Variants in COL4A4 observed in about 807,000 individuals in gnomAD.
COL4A4 encodes the protein collagen type IV alpha 4 chain.
COL4A4 carries 105 observed loss-of-function variants against 192.9 expected under a neutral mutation model. The observed-to-expected ratio is 0.54, with a 90% CI of 0.46 to 0.64. COL4A4 has a LOEUF of 0.64. COL4A4 is among the 30% of genes least tolerant of loss of function. COL4A4 has a pLI of 0.00. For synonymous variants in COL4A4, 762 were observed against 769.9 expected, an observed-to-expected ratio of 0.99 and a Z score of 0.17; for missense variants, 1,967 against 2,169.3, an observed-to-expected ratio of 0.91 and a Z score of 1.85.
intron 9 of COL4A4, 21 bp downstream of exon 9, chr2:227,111,657 G>A (rs1394237990): frequency 6.2e-7 from 1 of 1,613,532 alleles, no homozygotes; most frequent in South Asian, 1.1e-5. Context: ...TAGAAGCATA[G>A]AGCCTGCTCA....
chr2:227,115,508 G>A (rs368766790), intron 7 of COL4A4, among the ~76,000 whole-genome samples: 30 of 151,756 alleles, frequency 2.0e-4, no homozygotes, highest in East Asian at 7.7e-4. Context: ...TCCTGACCTC[G>A]TGATCCACCC....
At chr2:227,115,429 C>A (rs2061441072) in intron 7 of COL4A4, among the ~76,000 whole-genome samples, 1 of 151,324 alleles carries the variant, frequency 6.6e-6, no homozygotes, top group Admixed American at 6.6e-5. Context: ...CACCACCGTG[C>A]CTGGCTAATT....
At chr2:227,071,833 A>G (rs993503731) in intron 25 of COL4A4, among the ~76,000 whole-genome samples, 4 of 152,150 alleles carry the variant, frequency 2.6e-5, no homozygotes, top group African/African-American at 9.6e-5. Context: ...TGGACATTTA[A>G]AAATTATTTG....
At chr2:226,979,003 T>C in the COL4A4 span, among the ~76,000 whole-genome samples, 23 of 151,448 alleles carry the variant, frequency 1.5e-4, no homozygotes, top group African/African-American at 5.6e-4. Context: ...TAAAAAAGAG[T>C]TTATTATGGA....
At chr2:227,116,147 A>G (rs573009436) in intron 7 of COL4A4, among the ~76,000 whole-genome samples, 1 of 151,324 alleles carries the variant, frequency 6.6e-6, no homozygotes, top group African/African-American at 2.5e-5. Context: ...CATAGCAGGG[A>G]AGAAACGTAA....
At chr2:227,063,370 T>C (rs1977624657) in intron 25 of COL4A4, among the ~76,000 whole-genome samples, 1 of 152,180 alleles carries the variant, frequency 6.6e-6, no homozygotes, top group Admixed American at 6.5e-5. Flanking sequence ...CATTTCTTTA[T>C]ATGCTCTCAG....
At chr2:227,037,868 G>A (rs539510454) in intron 37 of COL4A4, among the ~76,000 whole-genome samples, 1 of 152,238 alleles carries the variant, frequency 6.6e-6, no homozygotes, top group African/African-American at 2.4e-5. Context: ...TCATATGTTT[G>A]TTGGCCGCAT....
intron 19 of COL4A4, 54 bp downstream of exon 19, chr2:227,098,640 G>A: frequency 1.5e-6 from 2 of 1,334,168 alleles, no homozygotes; most frequent in Non-Finnish European, 2.2e-6. Flanking sequence ...TGGTGCTGAT[G>A]ATGATGCAGG....
At chr2:227,073,803 A>G (rs1202943708) in intron 25 of COL4A4, among the ~76,000 whole-genome samples, 2 of 152,010 alleles carry the variant, frequency 1.3e-5, no homozygotes, top group Admixed American at 1.3e-4. Context: ...GGGGGTGGAC[A>G]CCCTATTTAA....
chr2:227,147,122 C>T (rs937811294), intron 2 of COL4A4, among the ~76,000 whole-genome samples: 2 of 152,128 alleles, frequency 1.3e-5, no homozygotes, highest in African/African-American at 4.8e-5. Flanking sequence ...GACCCTGAAA[C>T]TTTGGGCATA....
the COL4A4 span, among the ~76,000 whole-genome samples, chr2:226,974,899 C>T: frequency 6.6e-6 from 1 of 152,150 alleles, no homozygotes; most frequent in African/African-American, 2.4e-5. Context: ...CTTGGTGCTC[C>T]CATTACCATT....
the COL4A4 span, among the ~76,000 whole-genome samples, chr2:226,983,625 T>C: frequency 6.6e-6 from 1 of 152,240 alleles, no homozygotes; most frequent in Non-Finnish European, 1.5e-5. Flanking sequence ...TTGTCTTTTT[T>C]TTTCCTTATT....
At chr2:227,052,469 A>T (rs1559503688) in intron 31 of COL4A4, 57 bp from the exon 32 acceptor site, 3 of 1,013,992 alleles carry the variant, frequency 3.0e-6, no homozygotes, top group Non-Finnish European at 4.7e-6. Flanking sequence ...CACATAATTT[A>T]TCCATTACTA....
chr2:227,162,579 T>C (rs1298537380), intron 1 of COL4A4, among the ~76,000 whole-genome samples: 1 of 152,084 alleles, frequency 6.6e-6, no homozygotes, highest in Non-Finnish European at 1.5e-5. Flanking sequence ...ACATCTGCGA[T>C]ATGGTCATAA....
In COL4A4 at chr2:227,056,110, G is replaced by A. The variant is rs1186965101; in HGVS notation, c.2551C>T (p.Pro851Ser). The A allele has an allele frequency of 6.2e-7, 1 of 1,613,980 alleles. No individual in the cohort carries two copies. The stretch of plus-strand genomic sequence containing the variant: ...TCTCCCGGCTGTCCTTTCCCACCTG[G>A]AGCACCTAAGACAAACCACAGTGAC... ...LPGYPGSPGA[P>S]GGKGQPGDVG... is the part of the protein sequence containing the mutation. The change falls in exon 30 of 48, where the codon CCA (proline) becomes TCA (serine). Residue 851 changes from proline to serine, a missense_variant. By Grantham distance (74) the Pro-to-Ser change is moderately conservative. Transcript: ENST00000396625.
intron 35 of COL4A4, among the ~76,000 whole-genome samples, chr2:227,045,851 C>G (rs868477478): frequency 0.038 from 1,481 of 38,790 alleles, 179 homozygotes; most frequent in African/African-American, 0.085. Context: ...TATATATACA[C>G]ATATATATAT....
At chr2:227,133,303 G>A (rs1188799130) in intron 4 of COL4A4, among the ~76,000 whole-genome samples, 1 of 152,194 alleles carries the variant, frequency 6.6e-6, no homozygotes, top group Admixed American at 6.5e-5. Context: ...GGAGAGTCTT[G>A]TTATGTTAGC....
chr2:226,981,588 T>A, the COL4A4 span, among the ~76,000 whole-genome samples: 1 of 131,748 alleles, frequency 7.6e-6, no homozygotes, highest in African/African-American at 3.4e-5. Context: ...ACACACACAC[T>A]TTCTCTAATG....
At position 227,044,557 on chromosome 2, in the gene COL4A4, G is replaced by C. The variant is rs146001453; in HGVS notation, c.3290-1373C>G. 1.5e-3 allele frequency among the ~76,000 whole-genome samples: 232 copies of C among 151,896 alleles called. 1 individual carries two copies. Among genetic ancestry groups the C allele is most frequent in the African/African-American group, 5.3e-3 (221 of 41,370 alleles). On this transcript the variant is annotated intron_variant, in intron 35 of 47. Transcript: ENST00000396625. ...CACTATGTATTATCTTATTTATCCT[G>C]AAAACATTCCTACAGTAAAGTAGCA... is the stretch of plus-strand genomic sequence containing the variant.
Sources: allele counts gnomAD v4.1 joint callset (sites outside exome capture counted in the v4.1 genomes callset), GRCh38; gene constraint gnomAD v4.1.1; transcripts MANE v1.5; gene names NCBI Gene and HGNC (gene_info 2026-07-23, HGNC 2026-07-21).